Variants in STK10 observed in about 807,000 individuals in gnomAD.
STK10 encodes serine/threonine kinase 10.
Under a neutral mutation model 113.8 loss-of-function variants are expected in STK10, and 78 were observed. That is an observed-to-expected ratio of 0.69 (90% CI 0.57 to 0.83). The LOEUF (loss-of-function observed/expected upper bound fraction) is 0.83, where lower values mean the gene tolerates loss of function less well. Among genes scored for constraint, STK10 ranks in the 40% least tolerant of loss-of-function variants. The pLI is 0.00. For synonymous variants in STK10, 465 were observed against 494.7 expected, an observed-to-expected ratio of 0.94 and a Z score of 0.80; for missense variants, 1,109 against 1,280.1, an observed-to-expected ratio of 0.87 and a Z score of 2.04.
chr5:172,127,430 AACACAGGGCAAAG>A lies in STK10; in HGVS notation c.322-22_322-10del. ...CAGAACTCAATCATGATCTGCAGAA[AACACAGGGCAAAG>A]TGACAATGAGTGGGGCTGCCCAGCC... is the stretch of plus-strand genomic sequence containing the variant. On this transcript the variant is annotated splice_polypyrimidine_tract_variant and intron_variant, in intron 2 of 18. Coordinates refer to ENST00000176763, the MANE Select transcript of STK10 (RefSeq NM_005990.4). 4.3e-6 allele frequency: 7 copies of A among 1,613,336 alleles called. No homozygotes were observed.
At chr5:172,064,614 G>C (rs767208030) in intron 13 of STK10, 106 bp downstream of exon 13, 15 of 1,150,566 alleles carry the variant, frequency 1.3e-5, no homozygotes, top group Admixed American at 1.7e-5. Context: ...TATTCAGAAC[G>C]GGGTATTTGA....
chr5:172,080,351 G>A (rs1032232516), intron 12 of STK10, among the ~76,000 whole-genome samples: 4 of 152,140 alleles, frequency 2.6e-5, no homozygotes, highest in East Asian at 1.9e-4. Context: ...AAGTGTTCAC[G>A]TGAAAGCAGG....
chr5:172,107,065 CACAGAG>C, intron 5 of STK10: 1 of 284,704 alleles, frequency 3.5e-6, no homozygotes, highest in Non-Finnish European at 6.9e-6. Context: ...CAACCCGGAA[CACAGAG>C]TCCTGGGGAG....
intron 14 of STK10, among the ~76,000 whole-genome samples, chr5:172,059,480 C>A (rs1767882992): frequency 6.6e-6 from 1 of 150,634 alleles, no homozygotes. Flanking sequence ...AGATATTTAG[C>A]CATTTGGAGC....
chr5:172,074,227 G>C (rs970588247), intron 12 of STK10, among the ~76,000 whole-genome samples: 1 of 152,080 alleles, frequency 6.6e-6, no homozygotes, highest in Non-Finnish European at 1.5e-5. Flanking sequence ...AAAAGAACTA[G>C]AATGGCCAAA....
At chr5:172,115,788 G>A (rs1412703509) in intron 4 of STK10, among the ~76,000 whole-genome samples, 1 of 152,220 alleles carries the variant, frequency 6.6e-6, no homozygotes, top group South Asian at 2.1e-4. Flanking sequence ...AATGGAATGA[G>A]TTAACACATA....
In STK10 at chr5:172,082,566, G is replaced by T; in HGVS notation, c.1810-61C>A. ...GTCACTTTATACCTGGGAGGGACAT[G>T]GGAAGTGGAATGGGGAGAACTCAGA... On this transcript the variant is annotated intron_variant, in intron 11 of 18. Transcript: ENST00000176763. This position sits in a 1 kb window ranked among gnomAD's most constrained non-coding sequence, Gnocchi z 4.3. 6.6e-7 allele frequency: 1 copy of T among 1,512,256 alleles called. No individual in the cohort carries two copies. The highest frequency in any genetic ancestry group is 1.3e-5 in the South Asian group (1 of 74,694). 93.7% of individuals were successfully genotyped at this position (1,512,256 alleles called of 1,614,324 possible). A position where few individuals can be genotyped will look rare whatever the true frequency, so the allele number is the denominator to read the frequency against.
chr5:172,096,502 G>T lies in STK10; in HGVS notation c.929C>A (p.Ala310Asp). ...GATCTCTTCCATCACCTCGGCCTTG[G>T]CCTCAGCCACCAGCTCCCGCAGAGC... ...NKALRELVAE[A>D]KAEVMEEIED... The change falls in exon 8 of 19, where the codon GCC (alanine) becomes GAC (aspartate). Residue 310 changes from alanine to aspartate, a missense_variant. This residue lies in a region of STK10 where 885 missense variants were observed against 991.1 expected (regional missense o/e 0.89). Coordinates refer to ENST00000176763, the MANE Select transcript of STK10 (RefSeq NM_005990.4). 6.2e-7 allele frequency: 1 copy of T among 1,613,708 alleles called. No individual in the cohort carries two copies.
At chr5:172,089,752 G>T (rs1561802887) in intron 10 of STK10, among the ~76,000 whole-genome samples, 1 of 151,264 alleles carries the variant, frequency 6.6e-6, no homozygotes, top group Non-Finnish European at 1.5e-5. Context: ...TGGATGAGTG[G>T]ATGAATGGAT....
At chr5:172,081,117 C>T (rs777344833) in intron 12 of STK10, among the ~76,000 whole-genome samples, 1 of 152,044 alleles carries the variant, frequency 6.6e-6, no homozygotes, top group Non-Finnish European at 1.5e-5. Context: ...CTTTGAGAGG[C>T]CTAGGCGGGC....
chr5:172,107,678 T>TGCCCACAGGCTGACCGCGC, intron 5 of STK10, 102 bp downstream of exon 5: 1 of 1,075,814 alleles, frequency 9.3e-7, no homozygotes, highest in Admixed American at 2.2e-5. Context: ...GCAGGGCGTG[T>TGCCCACAGGCTGACCGCGC]AGCCCTTGTC....
At chr5:172,081,721 G>C (rs1281318011) in intron 12 of STK10, among the ~76,000 whole-genome samples, 1 of 152,200 alleles carries the variant, frequency 6.6e-6, no homozygotes, top group Non-Finnish European at 1.5e-5. Context: ...TACCAGTTGG[G>C]AGACTGGGAA....
chr5:172,153,323 A>AGAAAGAAAGAAAGAAAGAAAGAAC, intron 2 of STK10, among the ~76,000 whole-genome samples: 1 of 139,018 alleles, frequency 7.2e-6, no homozygotes, highest in South Asian at 2.2e-4. Flanking sequence ...AAAGAAAGAA[A>AGAAAGAAAGAAAGAAAGAAAGAAC]GAAATGTAAA....
intron 3 of STK10, among the ~76,000 whole-genome samples, chr5:172,123,582 T>C (rs1446307405): frequency 6.6e-6 from 1 of 152,134 alleles, no homozygotes; most frequent in Non-Finnish European, 1.5e-5. Flanking sequence ...TGGCTTCCAT[T>C]TTCCCCTTCT....
intron 7 of STK10, among the ~76,000 whole-genome samples, chr5:172,103,552 G>A (rs889660697): frequency 6.6e-6 from 1 of 152,026 alleles, no homozygotes; most frequent in African/African-American, 2.4e-5. Context: ...GGCCCCAAGC[G>A]GCTTGGACAG....
At chr5:172,083,142 A>G (rs1768472743) in intron 10 of STK10, 58 bp from the exon 11 acceptor site, 8 of 1,607,028 alleles carry the variant, frequency 5.0e-6, no homozygotes, top group African/African-American at 1.3e-5. Flanking sequence ...AGAGATCACA[A>G]TATTTGCAAC....
intron 2 of STK10, among the ~76,000 whole-genome samples, chr5:172,137,777 C>CA (rs997722909): frequency 1.3e-5 from 2 of 149,318 alleles, no homozygotes; most frequent in Non-Finnish European, 3.0e-5. Flanking sequence ...CCTGTAGTCC[C>CA]AGCTACTCGG....
chr5:172,173,018 G>A (rs370954163), intron 1 of STK10, among the ~76,000 whole-genome samples: 21 of 152,086 alleles, frequency 1.4e-4, no homozygotes, highest in East Asian at 1.9e-4. Flanking sequence ...GAGGAGACCC[G>A]CGTGGGGTGG....
intron 12 of STK10, among the ~76,000 whole-genome samples, chr5:172,070,439 T>C (rs1352229908): frequency 6.6e-6 from 1 of 151,964 alleles, no homozygotes; most frequent in Non-Finnish European, 1.5e-5. Flanking sequence ...GTAATTGGTA[T>C]TGAATAAAAA....
Sources: allele counts gnomAD v4.1 joint callset (sites outside exome capture counted in the v4.1 genomes callset), GRCh38; gene constraint gnomAD v4.1.1; regional missense constraint gnomAD v4.1.1; non-coding constraint Gnocchi (gnomAD v3.1); transcripts MANE v1.5; gene names NCBI Gene and HGNC (gene_info 2026-07-23, HGNC 2026-07-21).